SLIT1: variants seen among roughly 807,000 people sequenced by gnomAD.
SLIT1 encodes the protein slit guidance ligand 1.
Under a neutral mutation model 186.1 loss-of-function variants are expected in SLIT1, and 66 were observed. That is an observed-to-expected ratio of 0.35 (90% CI 0.29 to 0.44). The LOEUF (loss-of-function observed/expected upper bound fraction) is 0.44, where lower values mean the gene tolerates loss of function less well. Among genes scored for constraint, SLIT1 ranks in the 20% least tolerant of loss-of-function variants. The pLI is 1.00. For synonymous variants in SLIT1, 761 were observed against 833.8 expected (o/e 0.91, Z 1.50); for missense variants, 1,638 against 2,037.4 (o/e 0.80, Z 3.77).
chr10:97,146,555 C>A (rs1849819692), intron 4 of SLIT1, among the ~76,000 whole-genome samples: 1 of 147,726 alleles, frequency 6.8e-6, no homozygotes, highest in Non-Finnish European at 1.5e-5. Context: ...AGAGAGGTAC[C>A]CCAGCCCCCC....
At chr10:97,122,397 G>A (rs1331987270) in intron 4 of SLIT1, among the ~76,000 whole-genome samples, 1 of 152,168 alleles carries the variant, frequency 6.6e-6, no homozygotes, top group African/African-American at 2.4e-5. Context: ...GCTCTCCAAG[G>A]GAAACAGACT....
rs756129650 is a variant in SLIT1 at position 97,060,646 on chromosome 10, G to A, written c.935C>T (p.Thr312Met). The A allele has an allele frequency of 3.5e-5, 57 of 1,612,814 alleles. No individual in the cohort carries two copies. Among genetic ancestry groups the A allele is most frequent in the Admixed American group, 5.0e-5 (3 of 60,010 alleles). Residue 312 changes from threonine to methionine, a missense_variant, in exon 9 of 37, where the codon ACG (threonine) becomes ATG (methionine). Coordinates refer to ENST00000266058, the MANE Select transcript of SLIT1 (RefSeq NM_003061.3). Reference protein sequence around the residue: ...AIPANLPETMTEIRLELNGIK... With the variant: ...AIPANLPETMMEIRLELNGIK... The stretch of plus-strand genomic sequence containing the variant: ...TGCCCTGCCCCGTACTCACATCTCC[G>A]TCATGGTCTCGGGCAGGTTGGCCGG...
chr10:97,157,951 A>G (rs1474477671), intron 3 of SLIT1, 62 bp from the exon 4 acceptor site: 4 of 1,198,300 alleles, frequency 3.3e-6, no homozygotes, highest in Admixed American at 1.7e-5. Context: ...AGGACTTCTC[A>G]GAAAGCACAA....
At position 97,001,154 on chromosome 10, in the gene SLIT1, C is replaced by T. The variant is rs567948547; in HGVS notation, c.4563G>A (p.Glu1521=). The change falls in exon 37 of 37, where the codon GAG becomes GAA. Residue 1521 remains glutamate, a synonymous_variant. Coordinates refer to ENST00000266058, the MANE Select transcript of SLIT1 (RefSeq NM_003061.3). ...AGCCACACTTGGTGGGCTTTTCCAC[C>T]TCCTCGGCAAAAGAGGTCCCATCGC... ...ECSDGTSFAE[E]VEKPTKCGCA... The T allele has an allele frequency of 1.2e-6, 2 of 1,613,240 alleles. No individual in the cohort carries two copies. The highest frequency in any genetic ancestry group is 1.3e-5 in the African/African-American group (1 of 75,074).
Position 97,006,622 on chromosome 10 carries a change from T to C in SLIT1, c.3440A>G (p.Asn1147Ser), listed in dbSNP as rs773791738. Residue 1147 changes from asparagine (N) to serine (S), a missense_variant, in exon 32 of 37, where the codon AAC becomes AGC. By Grantham distance (46) the Asn-to-Ser change is conservative (BLOSUM62 1). This residue lies in a region of SLIT1 where 1,245 missense variants were observed against 1,535.3 expected (regional missense o/e 0.81). Transcript: ENST00000266058. The surrounding 1 kb of genome is among the most constrained non-coding windows in gnomAD (Gnocchi z 4.0). ...QNGANCVDQG[N>S]RPVCQCLPGF... is the part of the protein sequence containing the mutation. ...TGGGAGGCACTGGCACACAGGCCTG[T>C]TGCCCTGGTCCACACAGTTGGCCCC... The C allele has an allele frequency of 1.9e-6, 3 of 1,614,024 alleles. No homozygotes were observed. The South Asian group carries it at 3.3e-5, about 18-fold the overall frequency.
intron 1 of SLIT1, among the ~76,000 whole-genome samples, chr10:97,167,790 A>G (rs1284373891): frequency 2.6e-5 from 4 of 152,192 alleles, no homozygotes; most frequent in Non-Finnish European, 5.9e-5. Context: ...TGTTCTCGTG[A>G]TAGTGAATAA....
chr10:97,016,314 A>G (rs1172197756), intron 28 of SLIT1, among the ~76,000 whole-genome samples: 1 of 152,240 alleles, frequency 6.6e-6, no homozygotes, highest in Non-Finnish European at 1.5e-5. Flanking sequence ...GTCTCAAAAA[A>G]AAAAAAGTGT....
At chr10:97,098,428 G>A (rs1458099409) in intron 4 of SLIT1, among the ~76,000 whole-genome samples, 1 of 152,220 alleles carries the variant, frequency 6.6e-6, no homozygotes, top group African/African-American at 2.4e-5. Flanking sequence ...CCCTTGGCTG[G>A]AGGGACCTGG....
chr10:97,124,572 G>A (rs1408465677), intron 4 of SLIT1, among the ~76,000 whole-genome samples: 2 of 152,332 alleles, frequency 1.3e-5, no homozygotes, highest in African/African-American at 4.8e-5. Flanking sequence ...CCCAGGGGGA[G>A]ACAAGACTTA....
rs188014762 is a variant in SLIT1 at position 97,163,439 on chromosome 10, C to A, written c.282G>T (p.Glu94Asp). The part of the protein sequence containing the change: ...LKQLRVLQLM[E>D]NQIGAVERGA... ...CACGTTCCACTGCTCCAATCTGGTTCTCCATCAGCTGCCTGGGGAAGCAAA... is the reference window on the plus strand; with the variant it reads ...CACGTTCCACTGCTCCAATCTGGTTATCCATCAGCTGCCTGGGGAAGCAAA... The change falls in exon 3 of 37, where the codon GAG (glutamate) becomes GAT (aspartate). Residue 94 changes from glutamate (E) to aspartate (D), a missense_variant. Glu to Asp is a conservative substitution (Grantham distance 45). Around this residue, in one of 3 missense-constraint regions of SLIT1, gnomAD observed 1,245 missense variants for 1,535.3 expected, o/e 0.81. Coordinates refer to ENST00000266058, the MANE Select transcript of SLIT1 (RefSeq NM_003061.3). The A allele has an allele frequency of 6.2e-7, 1 of 1,614,204 alleles. No homozygotes were observed. Among genetic ancestry groups the A allele is most frequent in the African/African-American group, 1.3e-5 (1 of 75,066 alleles).
chr10:97,084,924 C>CTTTTTTT (rs34001660), intron 4 of SLIT1, among the ~76,000 whole-genome samples: 1 of 126,164 alleles, frequency 7.9e-6, no homozygotes, highest in Non-Finnish European at 1.6e-5. Context: ...CTTTTCTTTC[C>CTTTTTTT]TTTTTTTTTT....
intron 4 of SLIT1, among the ~76,000 whole-genome samples, chr10:97,120,855 G>A (rs1381271130): frequency 6.6e-6 from 1 of 152,202 alleles, no homozygotes; most frequent in African/African-American, 2.4e-5. Flanking sequence ...TACGGGAGAA[G>A]CTGCCTGAAA....
intron 25 of SLIT1, among the ~76,000 whole-genome samples, chr10:97,023,869 G>C (rs1174259383): frequency 6.6e-6 from 1 of 152,148 alleles, no homozygotes; most frequent in African/African-American, 2.4e-5. Context: ...CTTAACCCGG[G>C]AGGGGGAGGT....
Position 97,000,689 on chromosome 10 carries a change from G to A in SLIT1, c.*423C>T, listed in dbSNP as rs1400150153. On this transcript the variant is annotated 3_prime_UTR_variant, in exon 37 of 37. Transcript: ENST00000266058. ...CCGCAGAGGGGTAAGAGGCTTCTGG[G>A]GCCACAGACCCAGTTCCAAGCCAGC... The A allele has an allele frequency of 6.1e-6, 1 of 164,792 alleles. No homozygotes were observed. Among genetic ancestry groups the A allele is most frequent in the Non-Finnish European group, 1.3e-5 (1 of 76,518 alleles). The allele number at this position is 164,792 out of a possible 1,614,324, so 10.2% of individuals were successfully genotyped here.
At chr10:97,109,832 G>A (rs1849448470) in intron 4 of SLIT1, among the ~76,000 whole-genome samples, 1 of 152,166 alleles carries the variant, frequency 6.6e-6, no homozygotes, top group Non-Finnish European at 1.5e-5. Context: ...GCTGCTGGGT[G>A]CAAGCTGAGC....
intron 4 of SLIT1, among the ~76,000 whole-genome samples, chr10:97,126,830 C>T (rs528653620): frequency 6.6e-6 from 1 of 152,298 alleles, no homozygotes; most frequent in African/African-American, 2.4e-5. Flanking sequence ...GTGACTTGCT[C>T]AAGACTCACA....
chr10:97,163,118 C>A (rs570749610), intron 3 of SLIT1, among the ~76,000 whole-genome samples: 7 of 152,324 alleles, frequency 4.6e-5, no homozygotes, highest in Non-Finnish European at 1.0e-4. Context: ...AAATTTTTTG[C>A]CATCCCGTAT....
rs370334491 is a variant in SLIT1, at chr10:97,003,043, C to T, written c.3866-51G>A. 731 of 1,558,254 alleles carry T rather than the reference C, an allele frequency of 4.7e-4. 1 individual carries two copies. The highest frequency in any genetic ancestry group is 5.9e-4 in the Non-Finnish European group (675 of 1,143,108). On this transcript the variant is annotated intron_variant, in intron 34 of 36. Coordinates refer to ENST00000266058, the MANE Select transcript of SLIT1 (RefSeq NM_003061.3). ...GGGCTGAGTAAAGCTCGGGCTATGC[C>T]GGGCACCCACCCCTGAGGTCTGGGC...
intron 1 of SLIT1, among the ~76,000 whole-genome samples, chr10:97,166,688 AAG>A (rs1564692935): frequency 3.3e-5 from 5 of 152,148 alleles, no homozygotes; most frequent in Admixed American, 2.6e-4. Context: ...AGAAAAAAGA[AAG>A]AGCGAGCTTG....
Sources: gnomAD v4.1 joint callset for allele counts (sites outside exome capture counted in the v4.1 genomes callset) on GRCh38, gnomAD v4.1.1 for gene constraint, gnomAD v4.1.1 regional missense constraint, Gnocchi (gnomAD v3.1) non-coding constraint, MANE v1.5 for transcripts, NCBI Gene and HGNC (gene_info 2026-07-23, HGNC 2026-07-21) for gene names.